RSBN1: variants seen among roughly 807,000 people sequenced by gnomAD.
The protein encoded by RSBN1 is lysine-specific demethylase 9.
In RSBN1, 23 loss-of-function variants were observed where a neutral mutation model predicts 74.8. The observed-to-expected ratio is 0.31, with a 90% CI of 0.22 to 0.44. The LOEUF (loss-of-function observed/expected upper bound fraction) is 0.44. RSBN1 is among the 20% of genes least tolerant of loss of function. RSBN1 has a pLI of 1.00. For synonymous variants in RSBN1, 407 were observed against 379.6 expected (o/e 1.07, Z -0.84); for missense variants, 808 against 1,020.9 (o/e 0.79, Z 2.84).
At chr1:113,780,696 T>C (rs3789599) in intron 2 of RSBN1, among the ~76,000 whole-genome samples, 37,361 of 152,176 alleles carry the variant, frequency 0.25, 5,648 homozygotes, top group South Asian at 0.39. Context: ...TTTGTGTGAG[T>C]ACCAATGTTG....
Position 113,797,432 on chromosome 1 carries a change from A to T in RSBN1, c.1308T>A (p.Thr436=). The stretch of plus-strand genomic sequence containing the variant: ...TGCCCAGAATTTCCATTTTCACTGG[A>T]GTGTTGGGGAAATTAAAAGCAAAGT... ...LDYFAFNFPN[T]PVKMEILGKK... The change falls in exon 2 of 7, where the codon ACT becomes ACA. Residue 436 remains threonine, a synonymous_variant. Coordinates refer to ENST00000261441, the MANE Select transcript of RSBN1 (RefSeq NM_018364.5). 1 of 1,613,892 alleles carries T rather than the reference A, an allele frequency of 6.2e-7. No homozygotes were observed. The highest frequency in any genetic ancestry group is 8.5e-7 in the Non-Finnish European group (1 of 1,179,926).
intron 1 of RSBN1, 65 bp from the exon 2 acceptor site, chr1:113,798,101 G>A: frequency 1.4e-6 from 2 of 1,386,834 alleles, no homozygotes; most frequent in Non-Finnish European, 2.0e-6. Context: ...GCTTCTTAAG[G>A]TACTTGATCT....
Position 113,812,143 on chromosome 1 carries a change from T to C in RSBN1, c.270A>G (p.Arg90=), listed in dbSNP as rs1241378131. The change falls in exon 1 of 7, where the codon CGA becomes CGG. Residue 90 remains arginine, a synonymous_variant. Transcript: ENST00000261441. ...TCTCCTGAGACCCCCCACTGCTAGA[T>C]CGGCGCTGCCGTTTAACTCCCCGCG... ...VSPRGVKRQR[R]SSSGGSQEKR... is the part of the protein sequence containing the mutation. The C allele has an allele frequency of 6.2e-7, 1 of 1,609,458 alleles. No individual in the cohort carries two copies. Among genetic ancestry groups the C allele is most frequent in the East Asian group, 2.2e-5 (1 of 44,762 alleles).
chr1:113,785,293 T>C (rs1176158532), intron 2 of RSBN1, among the ~76,000 whole-genome samples: 1 of 152,204 alleles, frequency 6.6e-6, no homozygotes, highest in Admixed American at 6.5e-5. Flanking sequence ...GGAGCTATCA[T>C]CTGCTATGAT....
intron 1 of RSBN1, among the ~76,000 whole-genome samples, chr1:113,802,925 A>G (rs958126764): frequency 2.6e-5 from 4 of 152,200 alleles, no homozygotes; most frequent in African/African-American, 9.7e-5. Context: ...GGATAAATGT[A>G]TGACATGTAT....
rs1660874920 is a variant in RSBN1 at position 113,812,088 on chromosome 1, G to A, written c.325C>T (p.Leu109Phe). The A allele has an allele frequency of 2.5e-6, 4 of 1,590,098 alleles. No individual in the cohort carries two copies. The highest frequency in any genetic ancestry group is 3.4e-6 in the Non-Finnish European group (4 of 1,169,774). The stretch of plus-strand genomic sequence containing the variant: ...CGACGCCGCCGGTGAGGGGGAGCGA[G>A]AGGGGGCTCCTGGCTCGGCCGCCCC... ...KRGRPSQEPPLAPPHRRRRSR... is the reference protein window; with the variant it reads ...KRGRPSQEPPFAPPHRRRRSR... Residue 109 changes from leucine to phenylalanine, a missense_variant, in exon 1 of 7, where the codon CTC becomes TTC. This residue lies in a region of RSBN1 where 464 missense variants were observed against 401.0 expected (regional missense o/e 1.16). Transcript: ENST00000261441.
At chr1:113,772,671 A>G (rs1659908042) in intron 4 of RSBN1, among the ~76,000 whole-genome samples, 1 of 152,206 alleles carries the variant, frequency 6.6e-6, no homozygotes, top group Non-Finnish European at 1.5e-5. Flanking sequence ...TTTCACTAAC[A>G]CAAAAAGATG....
At chr1:113,809,362 A>C (rs1024968506) in intron 1 of RSBN1, among the ~76,000 whole-genome samples, 2 of 152,236 alleles carry the variant, frequency 1.3e-5, no homozygotes, top group African/African-American at 4.8e-5. Context: ...AGGCTCACAC[A>C]GTAAGTGTTA....
chr1:113,812,307 C>T lies in RSBN1; in HGVS notation c.106G>A (p.Gly36Arg). The T allele has an allele frequency of 1.2e-6, 2 of 1,604,272 alleles. No homozygotes were observed. Among genetic ancestry groups the T allele is most frequent in the South Asian group, 1.1e-5 (1 of 91,066 alleles). The change falls in exon 1 of 7, where the codon GGG becomes AGG. Residue 36 changes from glycine (G) to arginine (R), a missense_variant. Transcript: ENST00000261441. ...RAALARCADGGAVGPFKCVFV... is the reference protein window; with the variant it reads ...RAALARCADGRAVGPFKCVFV... ...ACACATTTAAATGGCCCGACCGCCC[C>T]CCCGTCCGCGCATCGCGCAAGCGCC...
At chr1:113,788,097 C>A (rs1660295317) in intron 2 of RSBN1, among the ~76,000 whole-genome samples, 1 of 151,908 alleles carries the variant, frequency 6.6e-6, no homozygotes, top group African/African-American at 2.4e-5. Context: ...GGACAGAGAA[C>A]AAGAACAAGC....
intron 4 of RSBN1, among the ~76,000 whole-genome samples, chr1:113,772,251 T>C (rs1253759730): frequency 1.3e-5 from 2 of 152,014 alleles, no homozygotes; most frequent in East Asian, 1.9e-4. Context: ...GAGGATAAAG[T>C]AGGGGTCATC....
chr1:113,779,449 T>G (rs745988653), intron 2 of RSBN1, among the ~76,000 whole-genome samples: 10 of 152,184 alleles, frequency 6.6e-5, no homozygotes, highest in Non-Finnish European at 1.0e-4. Flanking sequence ...CAAGATCACT[T>G]TAGATGATTC....
At position 113,765,436 on chromosome 1, in the gene RSBN1, C is replaced by G. The variant is rs781293883; in HGVS notation, c.*544G>C. 4 of 152,550 alleles carry G rather than the reference C, an allele frequency of 2.6e-5. No homozygotes were observed. Among genetic ancestry groups the G allele is most frequent in the African/African-American group, 4.8e-5 (2 of 41,354 alleles). 9.4% of individuals were successfully genotyped at this position (152,550 alleles called of 1,614,324 possible). On this transcript the variant is annotated 3_prime_UTR_variant, in exon 7 of 7. Coordinates refer to ENST00000261441, the MANE Select transcript of RSBN1 (RefSeq NM_018364.5). ...TCTCTTTTGTTAAGAAACCAGAGAG[C>G]CACTGAAATTTCCTTGGAAACTACT... is the stretch of plus-strand genomic sequence containing the variant.
At chr1:113,772,556 ATTTC>A (rs1228805016) in intron 4 of RSBN1, among the ~76,000 whole-genome samples, 1 of 152,178 alleles carries the variant, frequency 6.6e-6, no homozygotes, top group Admixed American at 6.5e-5. Context: ...CTGTACACAT[ATTTC>A]TTTAACTCTA....
In RSBN1 at chr1:113,797,825, A is replaced by G; in HGVS notation, c.915T>C (p.Asn305=). ...QGQINSTSGL[N]KESFRYLKDE... The stretch of plus-strand genomic sequence containing the variant: ...CTTTCAGATACCTGAAGGACTCCTT[A>G]TTAAGTCCTGAAGTGCTATTTATTT... The change falls in exon 2 of 7, where the codon AAT becomes AAC. Residue 305 remains asparagine, a synonymous_variant. Transcript: ENST00000261441. The G allele has an allele frequency of 6.2e-7, 1 of 1,614,076 alleles. No homozygotes were observed. The highest frequency in any genetic ancestry group is 8.5e-7 in the Non-Finnish European group (1 of 1,179,988).
rs58394638 is a variant in RSBN1, at chr1:113,781,163, T to C, written c.1378-3355A>G. On this transcript the variant is annotated intron_variant, in intron 2 of 6. Coordinates refer to ENST00000261441, the MANE Select transcript of RSBN1 (RefSeq NM_018364.5). ...ATAGGCCAATAAATCTCTTTCATCA[T>C]TTAAGCCCATTTTAAAATTGACTAT... 5.9e-3 allele frequency among the ~76,000 whole-genome samples: 896 copies of C among 152,300 alleles called. 10 individuals are homozygous for C. Among genetic ancestry groups the C allele is most frequent in the African/African-American group, 0.021 (853 of 41,560 alleles).
At chr1:113,808,975 T>C (rs1262114084) in intron 1 of RSBN1, among the ~76,000 whole-genome samples, 2 of 152,104 alleles carry the variant, frequency 1.3e-5, no homozygotes, top group Admixed American at 6.6e-5. Flanking sequence ...ATGTAAGATG[T>C]AGCCACTGAG....
rs114774482 is a variant in RSBN1, at chr1:113,779,510, T to C, written c.1378-1702A>G. Among the ~76,000 whole-genome samples the C allele has an allele frequency of 5.1e-3, 771 of 152,258 alleles. 11 individuals carry two copies. Among genetic ancestry groups the C allele is most frequent in the African/African-American group, 0.018 (741 of 41,530 alleles). On this transcript the variant is annotated intron_variant, in intron 2 of 6. Coordinates refer to ENST00000261441, the MANE Select transcript of RSBN1 (RefSeq NM_018364.5). ...ATTACTTTATATATATTCATATGAA[T>C]TACTTTCCATAAGTTTGGTATGATC...
At chr1:113,775,680 A>T (rs1310689620) in intron 4 of RSBN1, among the ~76,000 whole-genome samples, 2 of 152,272 alleles carry the variant, frequency 1.3e-5, no homozygotes, top group Non-Finnish European at 2.9e-5. Flanking sequence ...GTTTATAAAA[A>T]TCAGGAAACA....
Sources: allele counts gnomAD v4.1 joint callset (sites outside exome capture counted in the v4.1 genomes callset), GRCh38; gene constraint gnomAD v4.1.1; regional missense constraint gnomAD v4.1.1; transcripts MANE v1.5; gene names NCBI Gene and HGNC (gene_info 2026-07-23, HGNC 2026-07-21).